VRK3: variants seen among roughly 807,000 people sequenced by gnomAD.
VRK3 encodes VRK serine/threonine kinase 3.
VRK3 carries 50 observed loss-of-function variants against 60.4 expected under a neutral mutation model. The observed-to-expected ratio is 0.83, with a 90% CI of 0.66 to 1.05. VRK3 has a LOEUF of 1.05. Ranked by LOEUF, VRK3 falls within the 50% of genes least tolerant of loss-of-function variation. VRK3 has a pLI of 0.00. For missense variants in VRK3, 549 were observed against 585.3 expected (o/e 0.94, Z 0.64); for synonymous variants, 246 against 227.8 (o/e 1.08, Z -0.72).
At chr19:50,017,118 C>T (rs768132055) in intron 2 of VRK3, among the ~76,000 whole-genome samples, 14 of 152,020 alleles carry the variant, frequency 9.2e-5, no homozygotes, top group South Asian at 6.2e-4. Context: ...TGCTTGAACC[C>T]GGGAGGTGGA....
intron 5 of VRK3, among the ~76,000 whole-genome samples, chr19:50,003,991 A>G (rs926909038): frequency 6.6e-6 from 1 of 152,242 alleles, no homozygotes; most frequent in African/African-American, 2.4e-5. Flanking sequence ...GCTTGAGGCC[A>G]AGAGTTTGAG....
chr19:50,016,693 A>G (rs1391364606), intron 2 of VRK3, among the ~76,000 whole-genome samples: 1 of 152,240 alleles, frequency 6.6e-6, no homozygotes, highest in Admixed American at 6.5e-5. Context: ...TGTTCACTAA[A>G]TTACTCTCTA....
chr19:49,978,139 T>C (rs2076362613), intron 14 of VRK3, among the ~76,000 whole-genome samples: 1 of 152,040 alleles, frequency 6.6e-6, no homozygotes, highest in Non-Finnish European at 1.5e-5. Context: ...GTGGTACAGG[T>C]GGGCACCGTG....
intron 6 of VRK3, 45 bp from the exon 7 acceptor site, chr19:49,997,615 C>T: frequency 6.2e-7 from 1 of 1,607,742 alleles, no homozygotes; most frequent in East Asian, 2.2e-5. Context: ...ACTGAAGTCT[C>T]AGATAAGGGC....
chr19:50,021,540 C>G (rs28416898), intron 1 of VRK3, among the ~76,000 whole-genome samples: 7,991 of 152,264 alleles, frequency 0.052, 690 homozygotes, highest in African/African-American at 0.18. Context: ...CCAACAGCCA[C>G]CATCAGCTGC....
chr19:50,016,253 G>C (rs768109161), intron 2 of VRK3, 90 bp from the exon 3 acceptor site: 497 of 1,543,902 alleles, frequency 3.2e-4, no homozygotes, highest in Non-Finnish European at 4.2e-4. Flanking sequence ...CACAGGGTGA[G>C]TGGCAGGAGG....
At chr19:50,020,260 C>T (rs751487124) in intron 2 of VRK3, among the ~76,000 whole-genome samples, 2 of 152,082 alleles carry the variant, frequency 1.3e-5, no homozygotes, top group Admixed American at 6.5e-5. Context: ...AGGCTGGTCT[C>T]GAACTCCTGA....
At chr19:49,984,395 G>A (rs1282743106) in intron 12 of VRK3, among the ~76,000 whole-genome samples, 5 of 152,130 alleles carry the variant, frequency 3.3e-5, no homozygotes, top group Admixed American at 3.3e-4. Context: ...ACCAGGTCAG[G>A]CATCTCCCAG....
At chr19:50,000,963 A>G in intron 5 of VRK3, 109 bp from the exon 6 acceptor site, 2 of 1,029,440 alleles carry the variant, frequency 1.9e-6, no homozygotes, top group South Asian at 1.6e-5. Context: ...TGGTTCCAAC[A>G]AGGTCAAGCG....
At chr19:50,014,709 G>C (rs545510703) in intron 3 of VRK3, among the ~76,000 whole-genome samples, 1 of 152,316 alleles carries the variant, frequency 6.6e-6, no homozygotes, top group African/African-American at 2.4e-5. Context: ...AGGTGTGGAG[G>C]GGCAGCCAGG....
chr19:49,985,919 T>A (rs975266184), intron 12 of VRK3, among the ~76,000 whole-genome samples: 2 of 152,202 alleles, frequency 1.3e-5, no homozygotes, highest in Non-Finnish European at 2.9e-5. Flanking sequence ...GCTTAGTAGC[T>A]GTGTGGCCTG....
intron 5 of VRK3, among the ~76,000 whole-genome samples, chr19:50,001,606 C>G (rs1004715913): frequency 6.6e-6 from 1 of 152,234 alleles, no homozygotes; most frequent in African/African-American, 2.4e-5. Flanking sequence ...CATAAGCACC[C>G]TGCATGCTTG....
intron 3 of VRK3, among the ~76,000 whole-genome samples, chr19:50,011,597 ACTCCCT>A (rs2076995772): frequency 6.6e-6 from 1 of 151,072 alleles, no homozygotes; most frequent in Non-Finnish European, 1.5e-5. Context: ...TTAAAACCAA[ACTCCCT>A]CCCATGGTCC....
chr19:50,025,160 G>A (rs1280435014), intron 1 of VRK3, 107 bp downstream of exon 1: 1 of 152,346 alleles, frequency 6.6e-6, no homozygotes, highest in East Asian at 1.9e-4. Context: ...CCCGACAGCA[G>A]GGGCCTCCGC....
chr19:50,018,764 T>G (rs992052833), intron 2 of VRK3, among the ~76,000 whole-genome samples: 15 of 151,848 alleles, frequency 9.9e-5, no homozygotes, highest in Admixed American at 9.8e-4. Flanking sequence ...CACTGCCTCT[T>G]CCCTCTCTGC....
At chr19:49,977,279 C>T (rs1285189423) in intron 14 of VRK3, among the ~76,000 whole-genome samples, 1 of 152,150 alleles carries the variant, frequency 6.6e-6, no homozygotes. Context: ...AGGCAAGGAG[C>T]TGCTGTGGAG....
intron 2 of VRK3, among the ~76,000 whole-genome samples, chr19:50,020,042 A>AG (rs936648002): frequency 1.0e-4 from 15 of 147,162 alleles, no homozygotes; most frequent in Non-Finnish European, 1.4e-4. Flanking sequence ...ACACCCAGCT[A>AG]ATTTTTTTTT....
Position 49,988,217 on chromosome 19 carries a change from G to A in VRK3, c.1217+155C>T. On this transcript the variant is annotated intron_variant, in intron 12 of 14. Transcript: ENST00000316763. ...GAACACCTGCCTCGCCTGCTGTGTG[G>A]ACACTGCAGCACATGCCTGTGCGGC... is the stretch of plus-strand genomic sequence containing the variant. The A allele has an allele frequency of 2.5e-6, 3 of 1,180,880 alleles. 1 individual carries two copies. Among genetic ancestry groups the A allele is most frequent in the South Asian group, 3.0e-5 (2 of 66,220 alleles). The allele number at this position is 1,180,880 out of a possible 1,614,324, so 73.2% of individuals were successfully genotyped here. A position where few individuals can be genotyped will look rare whatever the true frequency, so the allele number is the denominator to read the frequency against.
chr19:50,001,069 A>G, intron 5 of VRK3: 1 of 528,648 alleles, frequency 1.9e-6, no homozygotes, highest in Non-Finnish European at 3.4e-6. Context: ...GGAAGGGCTA[A>G]TGCAGCAGGC....
Sources: gnomAD v4.1 joint callset for allele counts (sites outside exome capture counted in the v4.1 genomes callset) on GRCh38, gnomAD v4.1.1 for gene constraint, MANE v1.5 for transcripts, NCBI Gene and HGNC (gene_info 2026-07-23, HGNC 2026-07-21) for gene names.